The following POSTN variants were observed in gnomAD, a reference collection of about 807,000 sequenced individuals.
The protein encoded by POSTN is osteoblast specific factor 2 (fasciclin I-like).
POSTN carries 71 observed loss-of-function variants against 104.5 expected under a neutral mutation model. The ratio of observed to expected loss-of-function variants is 0.68; its 90% CI spans 0.56 to 0.83. POSTN has a LOEUF of 0.83. Among genes scored for constraint, POSTN ranks in the 40% least tolerant of loss-of-function variants. POSTN has a pLI of 0.00. For synonymous variants in POSTN, 355 were observed against 340.7 expected (o/e 1.04, Z -0.46); for missense variants, 949 against 1,006.8 (o/e 0.94, Z 0.78).
intron 10 of POSTN, among the ~76,000 whole-genome samples, chr13:37,581,882 T>C (rs1950599588): frequency 6.6e-6 from 1 of 152,212 alleles, no homozygotes; most frequent in Non-Finnish European, 1.5e-5. Flanking sequence ...TATAATGAAA[T>C]GTTTTGAAAT....
In POSTN at chr13:37,592,081, C is replaced by A. The variant is rs763228833; in HGVS notation, c.283+19G>T. ...TTTGCATATAATTCCTTATTTAATTCAAAAAATTGAGATTTTACCTGCTGG... is the reference window on the plus strand; with the variant it reads ...TTTGCATATAATTCCTTATTTAATTAAAAAAATTGAGATTTTACCTGCTGG... On this transcript the variant is annotated intron_variant, in intron 3 of 22. Transcript: ENST00000379747. 57 of 1,572,514 alleles carry A rather than the reference C, an allele frequency of 3.6e-5. No individual in the cohort carries two copies. Among genetic ancestry groups the A allele is most frequent in the Middle Eastern group, 3.4e-4 (2 of 5,902 alleles).
chr13:37,577,456 C>T (rs1018317320), intron 16 of POSTN, among the ~76,000 whole-genome samples: 29 of 152,266 alleles, frequency 1.9e-4, no homozygotes, highest in Admixed American at 9.2e-4. Flanking sequence ...AGGGTCTTTT[C>T]GCCATCTCTT....
intron 5 of POSTN, 27 bp downstream of exon 5, chr13:37,587,793 TAA>T (rs763023371): frequency 2.0e-6 from 3 of 1,470,388 alleles, no homozygotes; most frequent in Non-Finnish European, 2.8e-6. Flanking sequence ...GTATTTTTCA[TAA>T]GTGTACTTTT....
At chr13:37,570,159 T>G (rs574401905) in intron 19 of POSTN, among the ~76,000 whole-genome samples, 5 of 151,912 alleles carry the variant, frequency 3.3e-5, no homozygotes, top group Non-Finnish European at 7.4e-5. Flanking sequence ...TGATATGAGG[T>G]TTACTGAAAA....
chr13:37,578,183 T>C (rs1415080049), intron 15 of POSTN, among the ~76,000 whole-genome samples: 2 of 152,222 alleles, frequency 1.3e-5, no homozygotes, highest in South Asian at 2.1e-4. Context: ...AGTGAAAGTA[T>C]TGAATGATAC....
rs9576303 is a variant in POSTN at position 37,564,413 on chromosome 13, G to A, written c.2473+106C>T. On this transcript the variant is annotated intron_variant, in intron 22 of 22. Transcript: ENST00000379747. Reference sequence around the variant, plus strand: ...AACTGGCTAGCTTTTCTCTCTGATCGATAACAAGTTTCAATAAAATACTTT... The same window carrying A: ...AACTGGCTAGCTTTTCTCTCTGATCAATAACAAGTTTCAATAAAATACTTT... The A allele has an allele frequency of 1.6e-3, 1,026 of 656,534 alleles. 18 individuals carry two copies. The East Asian group carries it at 0.028, about 18-fold the overall frequency. 40.7% of individuals were successfully genotyped at this position (656,534 alleles called of 1,614,324 possible).
In POSTN at chr13:37,590,449, G is replaced by A; in HGVS notation, c.364C>T (p.Leu122=). ...TTQRYSDASK[L]REEIEGKGSF... ...CCCTTTCCCTCGATCTCCTCCCTCAGTTTTGAGGCGTCAGAATAGCGCTGC... is the reference window on the plus strand; with the variant it reads ...CCCTTTCCCTCGATCTCCTCCCTCAATTTTGAGGCGTCAGAATAGCGCTGC... The change falls in exon 4 of 23, where the codon CTG becomes TTG. Residue 122 remains leucine, a synonymous_variant. Coordinates refer to ENST00000379747, the MANE Select transcript of POSTN (RefSeq NM_006475.3). The A allele has an allele frequency of 1.2e-6, 2 of 1,613,458 alleles. No homozygotes were observed. Among genetic ancestry groups the A allele is most frequent in the Non-Finnish European group, 8.5e-7 (1 of 1,179,648 alleles).
Position 37,584,727 on chromosome 13 carries a change from A to G in POSTN, c.1097T>C (p.Ile366Thr). The change falls in exon 8 of 23, where the codon ATT becomes ACT. Residue 366 changes from isoleucine (I) to threonine (T), a missense_variant. Ile to Thr is a moderately conservative substitution (Grantham distance 89). Coordinates refer to ENST00000379747, the MANE Select transcript of POSTN (RefSeq NM_006475.3). ...AAAAAGTTGCTTACCAGAATCAGGA[A>G]TTAGGACCTGATCAATCAAATGGAT... ...GVIHLIDQVL[I>T]PDSAKQVIEL... 6.2e-7 allele frequency: 1 copy of G among 1,613,240 alleles called. No individual in the cohort carries two copies. The highest frequency in any genetic ancestry group is 8.5e-7 in the Non-Finnish European group (1 of 1,179,392).
intron 2 of POSTN, among the ~76,000 whole-genome samples, chr13:37,595,460 A>T (rs1176678375): frequency 2.0e-5 from 3 of 152,214 alleles, no homozygotes; most frequent in African/African-American, 7.2e-5. Flanking sequence ...CTATTAAGCC[A>T]ATGAGCAGGA....
intron 14 of POSTN, 37 bp from the exon 15 acceptor site, chr13:37,578,948 A>G: frequency 6.3e-7 from 1 of 1,595,356 alleles, no homozygotes; most frequent in Non-Finnish European, 8.5e-7. Flanking sequence ...TTGGTAAGAA[A>G]GCATAAAATA....
In POSTN at chr13:37,587,953, C is replaced by T. The variant is rs772612068; in HGVS notation, c.475G>A (p.Val159Ile). The T allele has an allele frequency of 1.9e-6, 3 of 1,604,534 alleles. No individual in the cohort carries two copies. In the East Asian group the frequency reaches 6.7e-5, roughly 36 times the overall value. ...IRRGLESNVN[V>I]ELLNALHSHM... Reference sequence around the variant, plus strand: ...CTATGTAAAGCATTCAGTAATTCAACATTCACGTTGCTCTCCAAACCTCTA... The same window carrying T: ...CTATGTAAAGCATTCAGTAATTCAATATTCACGTTGCTCTCCAAACCTCTA... Residue 159 changes from valine to isoleucine, a missense_variant, in exon 5 of 23, where the codon GTT (valine) becomes ATT (isoleucine). Coordinates refer to ENST00000379747, the MANE Select transcript of POSTN (RefSeq NM_006475.3).
intron 2 of POSTN, 66 bp downstream of exon 2, chr13:37,597,118 G>A (rs967235011): frequency 2.4e-5 from 25 of 1,029,408 alleles, no homozygotes; most frequent in Non-Finnish European, 3.3e-5. Flanking sequence ...TACACCCAGG[G>A]GAAGGCATAT....
At chr13:37,568,657 A>G (rs1343669657) in intron 21 of POSTN, 3 of 151,568 alleles carry the variant, frequency 2.0e-5, no homozygotes, top group Non-Finnish European at 3.0e-5. Flanking sequence ...AATAATTACT[A>G]TGTAGGGTTT....
intron 16 of POSTN, among the ~76,000 whole-genome samples, chr13:37,575,773 T>C (rs948502474): frequency 1.3e-5 from 2 of 152,180 alleles, no homozygotes; most frequent in Non-Finnish European, 2.9e-5. Context: ...TTAGCCTTCA[T>C]AGACCCTGTG....
At chr13:37,580,055 C>A in intron 11 of POSTN, 64 bp from the exon 12 acceptor site, 1 of 1,419,842 alleles carries the variant, frequency 7.0e-7, no homozygotes, top group Non-Finnish European at 9.8e-7. Flanking sequence ...ACCTACAGTG[C>A]ATGTAATAGA....
intron 16 of POSTN, among the ~76,000 whole-genome samples, chr13:37,575,893 A>G (rs898765183): frequency 2.6e-5 from 4 of 152,286 alleles, no homozygotes; most frequent in Non-Finnish European, 4.4e-5. Flanking sequence ...GCCACAGAAG[A>G]ACCTTTCCAT....
Position 37,567,052 on chromosome 13 carries a change from C to T in POSTN, c.2431+2248G>A, listed in dbSNP as rs568198526. 2.5e-4 allele frequency among the ~76,000 whole-genome samples: 38 copies of T among 149,176 alleles called. 1 individual carries two copies. The highest frequency in any genetic ancestry group is 3.4e-3 in the Middle Eastern group (1 of 290). On this transcript the variant is annotated intron_variant, in intron 21 of 22. Transcript: ENST00000379747. ...GAGATCGAGACCATCCCGGCTAAAA[C>T]GGTGAAACCCCGTCTCTACTAAAAA...
chr13:37,566,958 C>A (rs568444512), intron 21 of POSTN, among the ~76,000 whole-genome samples: 2 of 151,824 alleles, frequency 1.3e-5, no homozygotes, highest in Non-Finnish European at 2.9e-5. Context: ...ACTACATGGC[C>A]GGGCGCGGTG....
intron 3 of POSTN, 79 bp downstream of exon 3, chr13:37,592,021 C>T (rs1421122973): frequency 1.1e-6 from 1 of 911,422 alleles, no homozygotes; most frequent in African/African-American, 1.7e-5. Context: ...CACACATACA[C>T]AATTGGCTTC....
Sources: allele counts gnomAD v4.1 joint callset (sites outside exome capture counted in the v4.1 genomes callset), GRCh38; gene constraint gnomAD v4.1.1; transcripts MANE v1.5; gene names NCBI Gene and HGNC (gene_info 2026-07-23, HGNC 2026-07-21).